Variants in CACNA2D1 observed in about 807,000 individuals in gnomAD.
CACNA2D1 encodes the protein calcium voltage-gated channel auxiliary subunit alpha2delta 1.
In CACNA2D1, 53 loss-of-function variants were observed where a neutral mutation model predicts 171.5. That is an observed-to-expected ratio of 0.31 (90% CI 0.25 to 0.39). The LOEUF (loss-of-function observed/expected upper bound fraction) is 0.39. Among genes scored for constraint, CACNA2D1 ranks in the 10% least tolerant of loss-of-function variants. CACNA2D1 has a pLI of 1.00. For synonymous variants in CACNA2D1, 442 were observed against 443.1 expected (o/e 1.00, Z 0.03); for missense variants, 903 against 1,299.8 (o/e 0.69, Z 4.69).
chr7:82,098,063 G>A lies in CACNA2D1; in HGVS notation c.527-13163C>T, dbSNP rs1042671207. On this transcript the variant is annotated intron_variant, in intron 6 of 38. Transcript: ENST00000356860. ...CACGAGGCAGTGGTTGCAGTGAGCC[G>A]AGGTTGCAATGAGCCGAGATTGCAC... 2.6e-4 allele frequency among the ~76,000 whole-genome samples: 39 copies of A among 152,056 alleles called. 1 individual carries two copies. The highest frequency in any genetic ancestry group is 4.1e-4 in the Non-Finnish European group (28 of 68,008).
intron 6 of CACNA2D1, among the ~76,000 whole-genome samples, chr7:82,098,486 C>T (rs1190610477): frequency 6.6e-6 from 1 of 152,074 alleles, no homozygotes; most frequent in Admixed American, 6.6e-5. Context: ...AGGGATAGAA[C>T]GCCTGCATAT....
intron 3 of CACNA2D1, among the ~76,000 whole-genome samples, chr7:82,273,945 T>C (rs993743816): frequency 3.9e-5 from 6 of 152,210 alleles, no homozygotes; most frequent in African/African-American, 1.4e-4. Context: ...AATGAGAATG[T>C]AATTTTTCTA....
intron 4 of CACNA2D1, among the ~76,000 whole-genome samples, chr7:82,154,143 C>A (rs747154412): frequency 1.6e-4 from 25 of 152,134 alleles, no homozygotes; most frequent in Non-Finnish European, 2.9e-4. Context: ...GTGTGTAGTT[C>A]TCAACAAACA....
chr7:82,173,563 C>T (rs953094140), intron 3 of CACNA2D1, among the ~76,000 whole-genome samples: 3 of 151,990 alleles, frequency 2.0e-5, no homozygotes, highest in Non-Finnish European at 4.4e-5. Context: ...ACTTTAGAGA[C>T]TTAGTCTATC....
At chr7:82,406,341 C>T (rs1827039965) in intron 1 of CACNA2D1, among the ~76,000 whole-genome samples, 2 of 152,074 alleles carry the variant, frequency 1.3e-5, no homozygotes, top group African/African-American at 4.8e-5. Context: ...TGAATAGTGC[C>T]ACAATAAACA....
At chr7:81,953,586 G>T (rs1054711105) in intron 38 of CACNA2D1, among the ~76,000 whole-genome samples, 2 of 151,892 alleles carry the variant, frequency 1.3e-5, no homozygotes, top group South Asian at 4.1e-4. Context: ...TTATATAAAT[G>T]TATTTCATAC....
intron 3 of CACNA2D1, among the ~76,000 whole-genome samples, chr7:82,219,971 T>G (rs552490773): frequency 6.6e-6 from 1 of 152,144 alleles, no homozygotes; most frequent in Non-Finnish European, 1.5e-5. Flanking sequence ...CCCTTTTGCA[T>G]GATACAAAGA....
intron 1 of CACNA2D1, among the ~76,000 whole-genome samples, chr7:82,415,529 TAAAAAAAAAC>T (rs1563521751): frequency 6.7e-6 from 1 of 148,362 alleles, no homozygotes; most frequent in African/African-American, 2.5e-5. Context: ...AAACTCCATC[TAAAAAAAAAC>T]AAAAAAAAAC....
intron 10 of CACNA2D1, chr7:82,050,517 T>C (rs1805071408): frequency 1.4e-6 from 1 of 698,990 alleles, no homozygotes; most frequent in Admixed American, 2.0e-5. Flanking sequence ...TCCCTGATCT[T>C]ATACAGGGGC....
At chr7:81,970,106 T>C (rs1232222296) in intron 27 of CACNA2D1, 122 bp from the exon 28 acceptor site, 1 of 703,900 alleles carries the variant, frequency 1.4e-6, no homozygotes, top group Non-Finnish European at 2.6e-6. Context: ...AAGAAGTTAG[T>C]GGTAATTGAT....
intron 1 of CACNA2D1, among the ~76,000 whole-genome samples, chr7:82,352,166 A>T (rs1819920782): frequency 6.6e-6 from 1 of 152,176 alleles, no homozygotes; most frequent in Non-Finnish European, 1.5e-5. Context: ...TGTTAGGAAC[A>T]CTTTATAGGA....
chr7:82,426,241 A>G (rs1829175098), intron 1 of CACNA2D1, among the ~76,000 whole-genome samples: 1 of 151,922 alleles, frequency 6.6e-6, no homozygotes, highest in African/African-American at 2.4e-5. Context: ...TCAGTCTTTG[A>G]TTTCCTCTGT....
intron 2 of CACNA2D1, among the ~76,000 whole-genome samples, chr7:82,347,731 T>G (rs1278923071): frequency 3.3e-5 from 5 of 152,160 alleles, no homozygotes; most frequent in African/African-American, 4.8e-5. Context: ...ACCTAACACA[T>G]TATTCATTAA....
intron 10 of CACNA2D1, among the ~76,000 whole-genome samples, chr7:82,055,552 G>A (rs967162929): frequency 2.0e-5 from 3 of 151,722 alleles, no homozygotes; most frequent in Admixed American, 6.6e-5. Context: ...AGAAAACGTG[G>A]CACATATACA....
chr7:82,146,894 G>A (rs1433325741), intron 4 of CACNA2D1, among the ~76,000 whole-genome samples: 1 of 143,220 alleles, frequency 7.0e-6, no homozygotes, highest in Non-Finnish European at 1.5e-5. Context: ...GCTGAGGCAG[G>A]AGAATCACTT....
intron 1 of CACNA2D1, chr7:82,410,539 T>A (rs1827530308): frequency 3.0e-6 from 3 of 985,338 alleles, no homozygotes; most frequent in African/African-American, 1.7e-5. Flanking sequence ...GCACGCTACA[T>A]CAGGGGTGGC....
intron 5 of CACNA2D1, among the ~76,000 whole-genome samples, chr7:82,126,983 G>A (rs1435885671): frequency 6.6e-6 from 1 of 152,138 alleles, no homozygotes; most frequent in Non-Finnish European, 1.5e-5. Flanking sequence ...TGGTTCTGAT[G>A]GAAGAATATA....
At chr7:82,099,519 G>A (rs1461497873) in intron 6 of CACNA2D1, among the ~76,000 whole-genome samples, 1 of 49,752 alleles carries the variant, frequency 2.0e-5, no homozygotes, top group African/African-American at 6.3e-5. Context: ...GCGGGATCTC[G>A]GCTCACTGCA....
chr7:82,029,605 T>G (rs1226743487), intron 12 of CACNA2D1: 1 of 151,900 alleles, frequency 6.6e-6, no homozygotes, highest in Non-Finnish European at 1.5e-5. Flanking sequence ...CTCAACCATC[T>G]GTTGGCTTTT....
Sources: gnomAD v4.1 joint callset for allele counts (sites outside exome capture counted in the v4.1 genomes callset) on GRCh38, gnomAD v4.1.1 for gene constraint, MANE v1.5 for transcripts, NCBI Gene and HGNC (gene_info 2026-07-23, HGNC 2026-07-21) for gene names.